Variants in COX10 observed in about 807,000 individuals in gnomAD.
COX10 encodes protoheme IX farnesyltransferase, mitochondrial.
Under a neutral mutation model 37.3 loss-of-function variants are expected in COX10, and 27 were observed. That is an observed-to-expected ratio of 0.72 (90% CI 0.53 to 1.00). The LOEUF (loss-of-function observed/expected upper bound fraction) is 1.00. Among genes scored for constraint, COX10 ranks in the 50% least tolerant of loss-of-function variants. The pLI is 0.00. For synonymous variants in COX10, 222 were observed against 229.1 expected (o/e 0.97, Z 0.28); for missense variants, 475 against 563.2 (o/e 0.84, Z 1.59).
intron 4 of COX10, among the ~76,000 whole-genome samples, chr17:14,112,789 A>G (rs1423186753): frequency 1.3e-5 from 2 of 152,136 alleles, no homozygotes; most frequent in African/African-American, 4.8e-5. Context: ...AAAGACCCAG[A>G]GATGTGAAAT....
At chr17:14,136,600 T>C (rs1397653003) in intron 4 of COX10, among the ~76,000 whole-genome samples, 1 of 152,032 alleles carries the variant, frequency 6.6e-6, no homozygotes. Context: ...GGTATGTACA[T>C]TTCAAAACTT....
At chr17:14,127,103 T>G (rs1014534097) in intron 4 of COX10, among the ~76,000 whole-genome samples, 1 of 152,182 alleles carries the variant, frequency 6.6e-6, no homozygotes, top group African/African-American at 2.4e-5. Context: ...AAAACTGTGT[T>G]ATAACTTTTG....
At chr17:14,091,110 G>A (rs1401568099) in intron 3 of COX10, among the ~76,000 whole-genome samples, 1 of 152,164 alleles carries the variant, frequency 6.6e-6, no homozygotes, top group East Asian at 1.9e-4. Context: ...AGGCAGCTGT[G>A]CATTTATAGT....
At chr17:14,175,773 A>G (rs1905668743) in intron 5 of COX10, among the ~76,000 whole-genome samples, 1 of 151,372 alleles carries the variant, frequency 6.6e-6, no homozygotes, top group African/African-American at 2.4e-5. Context: ...AGCACTCCAG[A>G]GCGGGAAGGC....
chr17:14,127,959 G>A (rs1217081283), intron 4 of COX10, among the ~76,000 whole-genome samples: 1 of 150,474 alleles, frequency 6.6e-6, no homozygotes, highest in African/African-American at 2.5e-5. Context: ...GTGTGTGTGT[G>A]TGTGTGGTTT....
At chr17:14,206,282 C>T (rs1906696982) in intron 6 of COX10, among the ~76,000 whole-genome samples, 1 of 152,160 alleles carries the variant, frequency 6.6e-6, no homozygotes. Context: ...GCAGCGTCCT[C>T]CAGGTTACAG....
At chr17:14,125,996 C>T (rs1303302718) in intron 4 of COX10, among the ~76,000 whole-genome samples, 4 of 152,084 alleles carry the variant, frequency 2.6e-5, no homozygotes, top group East Asian at 1.9e-4. Context: ...GTGTTTGCCA[C>T]GGAGAACTCT....
chr17:14,184,157 C>G (rs1196310034), intron 5 of COX10, among the ~76,000 whole-genome samples: 2 of 152,152 alleles, frequency 1.3e-5, no homozygotes, highest in Non-Finnish European at 2.9e-5. Flanking sequence ...ACCCACCTTC[C>G]CTATTGTCTT....
chr17:14,071,605 C>G (rs184680968), intron 1 of COX10, among the ~76,000 whole-genome samples: 1 of 151,850 alleles, frequency 6.6e-6, no homozygotes, highest in Admixed American at 6.6e-5. Context: ...CATCACTGGC[C>G]GGGCGCAGTA....
At chr17:14,140,624 A>G (rs1904511351) in intron 4 of COX10, among the ~76,000 whole-genome samples, 1 of 152,118 alleles carries the variant, frequency 6.6e-6, no homozygotes. Context: ...TGATATTGAA[A>G]CACTATATTC....
intron 5 of COX10, chr17:14,177,258 AGTGT>A (rs1905721674): frequency 1.4e-6 from 1 of 729,970 alleles, no homozygotes; most frequent in Non-Finnish European, 2.5e-6. Flanking sequence ...CTTCCTTGGG[AGTGT>A]GCCAAGCATT....
chr17:14,135,942 T>C (rs1020524373), intron 4 of COX10, among the ~76,000 whole-genome samples: 11 of 152,030 alleles, frequency 7.2e-5, no homozygotes, highest in African/African-American at 2.7e-4. Context: ...GTTTGGATTT[T>C]GTTTTCTTCA....
At chr17:14,081,082 T>C (rs1047023446) in intron 3 of COX10, among the ~76,000 whole-genome samples, 16 of 152,246 alleles carry the variant, frequency 1.1e-4, no homozygotes, top group African/African-American at 3.9e-4. Context: ...TGAAGTTTTA[T>C]TGGAACACAA....
At chr17:14,116,130 G>T (rs1378277777) in intron 4 of COX10, among the ~76,000 whole-genome samples, 1 of 151,984 alleles carries the variant, frequency 6.6e-6, no homozygotes, top group Non-Finnish European at 1.5e-5. Context: ...AAATGAAATT[G>T]TGCATTAATT....
At chr17:14,122,048 T>C (rs980552115) in intron 4 of COX10, among the ~76,000 whole-genome samples, 32 of 152,130 alleles carry the variant, frequency 2.1e-4, no homozygotes, top group African/African-American at 7.5e-4. Flanking sequence ...AGAGTTGAGA[T>C]TGGATTCTGT....
intron 4 of COX10, among the ~76,000 whole-genome samples, chr17:14,146,316 A>G (rs1166497652): frequency 1.3e-5 from 2 of 152,204 alleles, no homozygotes; most frequent in Non-Finnish European, 2.9e-5. Flanking sequence ...CCAATGGAAC[A>G]GAATAGAGAA....
intron 4 of COX10, among the ~76,000 whole-genome samples, chr17:14,119,655 A>G (rs546885866): frequency 1.3e-5 from 2 of 152,322 alleles, no homozygotes; most frequent in African/African-American, 2.4e-5. Context: ...TTTCTAGGCA[A>G]TAAGACAAGG....
At chr17:14,080,698 T>G (rs1329048474) in intron 3 of COX10, among the ~76,000 whole-genome samples, 1 of 152,232 alleles carries the variant, frequency 6.6e-6, no homozygotes, top group Non-Finnish European at 1.5e-5. Context: ...AGCTCTTATA[T>G]TCTTGGTCAT....
intron 4 of COX10, among the ~76,000 whole-genome samples, chr17:14,155,956 G>A (rs1265941347): frequency 6.6e-6 from 1 of 151,872 alleles, no homozygotes; most frequent in Non-Finnish European, 1.5e-5. Flanking sequence ...AATACACCTC[G>A]TACACAGCAG....
Sources: gnomAD v4.1 joint callset for allele counts (sites outside exome capture counted in the v4.1 genomes callset) on GRCh38, gnomAD v4.1.1 for gene constraint, MANE v1.5 for transcripts, NCBI Gene and HGNC (gene_info 2026-07-23, HGNC 2026-07-21) for gene names.